The following SLC25A13 variants were observed in gnomAD, a reference collection of about 807,000 sequenced individuals.
SLC25A13 encodes the protein solute carrier family 25 member 13, also known as electrogenic aspartate/glutamate antiporter SLC25A13, mitochondrial.
A neutral mutation model predicts 85.5 loss-of-function variants in SLC25A13; 70 were observed. The observed-to-expected ratio is 0.82, with a 90% CI of 0.68 to 1.00. The LOEUF (loss-of-function observed/expected upper bound fraction) is 1.00, where lower values mean the gene tolerates loss of function less well. Among genes scored for constraint, SLC25A13 ranks in the 50% least tolerant of loss-of-function variants. The pLI, the probability that SLC25A13 is intolerant of heterozygous loss-of-function variation, is 0.00. For missense variants in SLC25A13, 765 were observed against 819.8 expected (o/e 0.93, Z 0.82); for synonymous variants, 259 against 288.7 (o/e 0.90, Z 1.04).
intron 11 of SLC25A13, 151 bp downstream of exon 11, chr7:96,184,126 C>A: frequency 1.1e-6 from 1 of 900,838 alleles, no homozygotes; most frequent in Non-Finnish European, 1.8e-6. Context: ...GCCCTAGATG[C>A]CTCCAGCCTA....
intron 4 of SLC25A13, among the ~76,000 whole-genome samples, chr7:96,209,736 C>A (rs993005060): frequency 2.6e-5 from 4 of 152,036 alleles, no homozygotes; most frequent in African/African-American, 9.7e-5. Context: ...AGAGAAAAAA[C>A]AAACAAACAA....
At chr7:96,195,412 C>T (rs1795021219) in intron 5 of SLC25A13, among the ~76,000 whole-genome samples, 1 of 152,180 alleles carries the variant, frequency 6.6e-6, no homozygotes, top group African/African-American at 2.4e-5. Flanking sequence ...GTTCCTGATG[C>T]TACTGGTTCA....
chr7:96,236,666 C>T (rs577151391), intron 3 of SLC25A13, among the ~76,000 whole-genome samples: 2 of 152,266 alleles, frequency 1.3e-5, no homozygotes, highest in South Asian at 4.1e-4. Context: ...CAACTGGCTT[C>T]TGACATTTTG....
intron 2 of SLC25A13, among the ~76,000 whole-genome samples, chr7:96,294,542 G>A (rs1799270042): frequency 6.6e-6 from 1 of 151,050 alleles, no homozygotes; most frequent in Admixed American, 6.6e-5. Context: ...CCGGGAGACA[G>A]AGGTTGCAGT....
chr7:96,200,919 G>A lies in SLC25A13; in HGVS notation c.469-7736C>T, dbSNP rs1053873556. On this transcript the variant is annotated intron_variant, in intron 5 of 17. Transcript: ENST00000265631. ...GCCCAGAGAGTAGAAAGTGTGTGCT[G>A]TGGCTGGAACGTGTCCTGCATCTTA... Among the ~76,000 whole-genome samples, 7 of 152,168 alleles carry A rather than the reference G, an allele frequency of 4.6e-5. 1 individual carries two copies. In the South Asian group the frequency reaches 8.3e-4, roughly 18 times the overall value.
At chr7:96,150,147 T>A (rs1373725442) in intron 13 of SLC25A13, among the ~76,000 whole-genome samples, 1 of 151,764 alleles carries the variant, frequency 6.6e-6, no homozygotes, top group Non-Finnish European at 1.5e-5. Context: ...GAAATCTTAG[T>A]TATCATCTAG....
intron 13 of SLC25A13, among the ~76,000 whole-genome samples, chr7:96,149,934 T>C (rs1345474814): frequency 2.0e-5 from 3 of 152,198 alleles, no homozygotes; most frequent in African/African-American, 4.8e-5. Flanking sequence ...CCCTCATCAC[T>C]TGAAAGCTCT....
intron 4 of SLC25A13, among the ~76,000 whole-genome samples, chr7:96,233,929 GA>G (rs2116812444): frequency 6.6e-6 from 1 of 152,340 alleles, no homozygotes; most frequent in South Asian, 2.1e-4. Flanking sequence ...ATGACGCTAT[GA>G]AAACAGTCAT....
rs1013572793 is a variant in SLC25A13 at position 96,131,732 on chromosome 7, G to A, written c.1591+11C>T. 13 of 1,613,588 alleles carry A rather than the reference G, an allele frequency of 8.1e-6. No individual in the cohort carries two copies. Among genetic ancestry groups the A allele is most frequent in the Admixed American group, 6.7e-5 (4 of 59,978 alleles). ...TCAGGGAAGTAAGAGAACTCCATGG[G>A]GGACACTCACCAGCTATGGCACCAG... is the stretch of plus-strand genomic sequence containing the variant. On this transcript the variant is annotated intron_variant, in intron 15 of 17. Coordinates refer to ENST00000265631, the MANE Select transcript of SLC25A13 (RefSeq NM_014251.3).
At chr7:96,321,803 G>C (rs1444373875) in intron 1 of SLC25A13, 139 bp downstream of exon 1, 1 of 1,140,284 alleles carries the variant, frequency 8.8e-7, no homozygotes, top group Admixed American at 3.1e-5. Context: ...CCCTCCAGCA[G>C]CCGCAAGGTG....
intron 13 of SLC25A13, among the ~76,000 whole-genome samples, chr7:96,169,670 C>A (rs1793918012): frequency 6.6e-6 from 1 of 152,144 alleles, no homozygotes; most frequent in African/African-American, 2.4e-5. Flanking sequence ...TGACTTCAGA[C>A]TACAAGTTTT....
chr7:96,285,551 A>C (rs1798853295), intron 2 of SLC25A13, among the ~76,000 whole-genome samples: 1 of 151,558 alleles, frequency 6.6e-6, no homozygotes, highest in African/African-American at 2.4e-5. Context: ...TGTCCCTGAG[A>C]CTCCCCAAGT....
At chr7:96,192,136 G>C (rs1794877630) in intron 6 of SLC25A13, among the ~76,000 whole-genome samples, 1 of 152,170 alleles carries the variant, frequency 6.6e-6, no homozygotes, top group South Asian at 2.1e-4. Flanking sequence ...GAATGGAAGA[G>C]GCCTCGTTGG....
At chr7:96,312,796 A>C (rs1439323916) in intron 1 of SLC25A13, among the ~76,000 whole-genome samples, 2 of 152,182 alleles carry the variant, frequency 1.3e-5, no homozygotes, top group African/African-American at 4.8e-5. Context: ...TGAGATCAAA[A>C]GCAAGGGGAT....
At chr7:96,161,581 T>C (rs540906275) in intron 13 of SLC25A13, among the ~76,000 whole-genome samples, 1 of 152,324 alleles carries the variant, frequency 6.6e-6, no homozygotes, top group African/African-American at 2.4e-5. Context: ...TCCATATTTA[T>C]AGATGTCTCA....
intron 11 of SLC25A13, among the ~76,000 whole-genome samples, chr7:96,181,503 T>C (rs1256224190): frequency 6.6e-6 from 1 of 152,254 alleles, no homozygotes; most frequent in East Asian, 1.9e-4. Context: ...GCTTCTGATA[T>C]TCTTGTTATA....
At chr7:96,225,223 A>ATC (rs1362867132) in intron 4 of SLC25A13, among the ~76,000 whole-genome samples, 26 of 152,098 alleles carry the variant, frequency 1.7e-4, no homozygotes, top group Admixed American at 1.7e-3. Context: ...ACCCATGGCC[A>ATC]ATCGGGAGCC....
chr7:96,138,168 T>G (rs1481415916), intron 14 of SLC25A13, among the ~76,000 whole-genome samples: 1 of 152,132 alleles, frequency 6.6e-6, no homozygotes, highest in Non-Finnish European at 1.5e-5. Context: ...GTTTTTTTCC[T>G]CCACATACTG....
chr7:96,241,046 GAAAGAAA>G lies in SLC25A13; in HGVS notation c.213-6136_213-6130del, dbSNP rs1210424240. On this transcript the variant is annotated intron_variant, in intron 3 of 17. Transcript: ENST00000265631. ...AAAGAAAAGAAAGAAAGGAAAGAAA[GAAAGAAA>G]GAAAGAAAGAAAGAAAGAAAGAAAG... 2.6e-4 allele frequency among the ~76,000 whole-genome samples: 7 copies of G among 26,726 alleles called. No homozygotes were observed. In the Admixed American group the frequency reaches 3.0e-3, roughly 11 times the overall value. 17.5% of individuals were successfully genotyped at this position (26,726 alleles called of 152,430 possible). A position where few individuals can be genotyped will look rare whatever the true frequency, so the allele number is the denominator to read the frequency against.
Sources: allele counts gnomAD v4.1 joint callset (sites outside exome capture counted in the v4.1 genomes callset), GRCh38; gene constraint gnomAD v4.1.1; transcripts MANE v1.5; gene names NCBI Gene and HGNC (gene_info 2026-07-23, HGNC 2026-07-21).